The following ATP7B variants were observed in gnomAD, a reference collection of about 807,000 sequenced individuals.
The protein encoded by ATP7B is ATPase copper transporting beta, also known as copper-transporting ATPase 2.
Under a neutral mutation model 118.9 loss-of-function variants are expected in ATP7B, and 113 were observed. That is an observed-to-expected ratio of 0.95 (90% CI 0.82 to 1.11). The LOEUF is 1.11. ATP7B is among the 50% of genes most tolerant of loss of function. The pLI, the probability that ATP7B is intolerant of heterozygous loss-of-function variation, is 0.00. For synonymous variants in ATP7B, 777 were observed against 727.4 expected, an observed-to-expected ratio of 1.07 and a Z score of -1.10; for missense variants, 1,867 against 1,871.4, an observed-to-expected ratio of 1.00 and a Z score of 0.04.
intron 12 of ATP7B, among the ~76,000 whole-genome samples, chr13:51,946,977 T>C (rs1296870864): frequency 6.6e-6 from 1 of 152,220 alleles, no homozygotes; most frequent in Admixed American, 6.5e-5. Flanking sequence ...TATTCTAAGG[T>C]GATAATCATA....
At chr13:51,984,499 T>C (rs113024575) in intron 1 of ATP7B, among the ~76,000 whole-genome samples, 2 of 152,088 alleles carry the variant, frequency 1.3e-5, no homozygotes, top group African/African-American at 4.8e-5. Context: ...CTTCAGGATA[T>C]TATCCAGGAG....
In ATP7B at chr13:52,011,360, C is replaced by A; in HGVS notation, c.-23G>T. 1 of 1,614,196 alleles carries A rather than the reference C, an allele frequency of 6.2e-7. No homozygotes were observed. Among genetic ancestry groups the A allele is most frequent in the Non-Finnish European group, 8.5e-7 (1 of 1,179,996 alleles). ...CATCGTCCCGCACGGACACCGAATT[C>A]TTCTCTGATCTGGCTCAGAGCAAAA... On this transcript the variant is annotated 5_prime_UTR_variant, in exon 1 of 21. Coordinates refer to ENST00000242839, the MANE Select transcript of ATP7B (RefSeq NM_000053.4).
Position 51,946,426 on chromosome 13 carries a change from T to C in ATP7B, c.2918A>G (p.Gln973Arg). The C allele has an allele frequency of 1.2e-6, 2 of 1,614,214 alleles. No homozygotes were observed. Among genetic ancestry groups the C allele is most frequent in the South Asian group, 1.1e-5 (1 of 91,076 alleles). ...AATGCACAGCACCGTGATGGACGTC[T>C]GGAAAGCAAACCGGATGATCACCTC... ...QTEVIIRFAFQTSITVLCIAC... is the reference protein window; with the variant it reads ...QTEVIIRFAFRTSITVLCIAC... Residue 973 changes from glutamine (Q) to arginine (R), a missense_variant, in exon 13 of 21, where the codon CAG (glutamine) becomes CGG (arginine). Transcript: ENST00000242839.
In ATP7B at chr13:51,975,007, T is replaced by A; in HGVS notation, c.213A>T (p.Ser71=). Residue 71 remains serine, a synonymous_variant, in exon 2 of 21, where the codon TCA becomes TCT. Coordinates refer to ENST00000242839, the MANE Select transcript of ATP7B (RefSeq NM_000053.4). The part of the protein sequence containing the change: ...TVRILGMTCQ[S]CVKSIEDRIS... ...TCCTGTCCTCAATGGACTTCACACA[T>A]GACTGGCAAGTCATGCCCAAGATCC... is the stretch of plus-strand genomic sequence containing the variant. 2 of 1,614,092 alleles carry A rather than the reference T, an allele frequency of 1.2e-6. No individual in the cohort carries two copies. The highest frequency in any genetic ancestry group is 1.7e-6 in the Non-Finnish European group (2 of 1,180,000).
intron 1 of ATP7B, chr13:51,975,615 G>T: frequency 2.0e-6 from 1 of 499,502 alleles, no homozygotes; most frequent in Non-Finnish European, 4.0e-6. Context: ...TGGGGGTCCT[G>T]CTGAAATACA....
Position 51,935,653 on chromosome 13 carries a change from C to T in ATP7B, c.4064G>A (p.Gly1355Asp), listed in dbSNP as rs1305262063. The change falls in exon 20 of 21, where the codon GGC (glycine) becomes GAC (aspartate). Residue 1355 changes from glycine to aspartate, a missense_variant. Gly to Asp is a moderately conservative substitution (Grantham distance 94, BLOSUM62 -1). Coordinates refer to ENST00000242839, the MANE Select transcript of ATP7B (RefSeq NM_000053.4). ...PIGIVLQPWM[G>D]SAAMAASSVS... ...AGAGGAGGCTGCCATGGCCGCTGAG[C>T]CCATCCAGGGCTGCAGCACAATGCC... 1.2e-6 allele frequency: 2 copies of T among 1,613,584 alleles called. No homozygotes were observed. Among genetic ancestry groups the T allele is most frequent in the East Asian group, 2.2e-5 (1 of 44,884 alleles).
intron 1 of ATP7B, among the ~76,000 whole-genome samples, chr13:51,992,122 TAAGAAATGTAAAAAAAAAAAAA>T (rs1952946643): frequency 6.8e-6 from 1 of 147,378 alleles, no homozygotes; most frequent in Admixed American, 6.8e-5. Context: ...CTGCATTGTG[TAAGAAATGTAAAAAAAAAAAAA>T]AAGAAATGTA....
chr13:51,974,557 T>G lies in ATP7B; in HGVS notation c.663A>C (p.Pro221=). 6.2e-7 allele frequency: 1 copy of G among 1,614,206 alleles called. No individual in the cohort carries two copies. Among genetic ancestry groups the G allele is most frequent in the Non-Finnish European group, 8.5e-7 (1 of 1,180,040 alleles). Residue 221 remains proline (P), a synonymous_variant, in exon 2 of 21, where the codon CCA becomes CCC. Transcript: ENST00000242839. The part of the protein sequence containing the change: ...KSKVAPLSLG[P]IDIERLQSTN... ...TGCTTTGTAACCGCTCAATATCAAT[T>G]GGTCCCAGGCTTAAGGGAGCCACTT...
intron 1 of ATP7B, among the ~76,000 whole-genome samples, chr13:51,990,294 A>G (rs536731377): frequency 2.0e-5 from 3 of 152,158 alleles, no homozygotes; most frequent in Non-Finnish European, 4.4e-5. Context: ...TTTACCATAT[A>G]GATATACAAT....
At chr13:51,965,797 G>C (rs1438366013) in intron 4 of ATP7B, among the ~76,000 whole-genome samples, 1 of 152,350 alleles carries the variant, frequency 6.6e-6, no homozygotes, top group African/African-American at 2.4e-5. Context: ...CTAAAGTGTT[G>C]CTAAGCTAGC....
Position 51,974,855 on chromosome 13 carries a change from T to C in ATP7B, c.365A>G (p.Glu122Gly), listed in dbSNP as rs1452064392. ...VCHQIGDMGF[E>G]ASIAEGKAAS... ...TGCCTTTCCTTCTGCAATGCTGGCC[T>C]CGAAGCCCATGTCCCCAATTTGATG... Residue 122 changes from glutamate to glycine, a missense_variant, in exon 2 of 21, where the codon GAG becomes GGG. By Grantham distance (98) the Glu-to-Gly change is moderately conservative. Coordinates refer to ENST00000242839, the MANE Select transcript of ATP7B (RefSeq NM_000053.4). The C allele has an allele frequency of 2.5e-6, 4 of 1,614,202 alleles. No homozygotes were observed. In the South Asian group the frequency reaches 4.4e-5, roughly 18 times the overall value.
At chr13:51,939,401 C>T (rs1201191719) in intron 16 of ATP7B, among the ~76,000 whole-genome samples, 3 of 152,216 alleles carry the variant, frequency 2.0e-5, no homozygotes, top group African/African-American at 4.8e-5. Flanking sequence ...TTGAAATCTT[C>T]GCAGTGGCTC....
intron 9 of ATP7B, among the ~76,000 whole-genome samples, chr13:51,956,584 G>GAGGCTAGCTGTGT (rs1958363731): frequency 6.6e-6 from 1 of 152,208 alleles, no homozygotes; most frequent in Non-Finnish European, 1.5e-5. Context: ...TGCCACGGAG[G>GAGGCTAGCTGTGT]AGGCTAGCTG....
intron 1 of ATP7B, among the ~76,000 whole-genome samples, chr13:51,996,882 T>C (rs564257702): frequency 1.3e-5 from 2 of 152,334 alleles, no homozygotes; most frequent in South Asian, 2.1e-4. Flanking sequence ...TTGTTTCTTA[T>C]CTCCTAAGTG....
rs773527867 is a variant in ATP7B at position 51,949,740 on chromosome 13, G to C, written c.2787C>G (p.Ile929Met). The C allele has an allele frequency of 1.9e-6, 3 of 1,614,014 alleles. No homozygotes were observed. Among genetic ancestry groups the C allele is most frequent in the Non-Finnish European group, 2.5e-6 (3 of 1,180,020 alleles). Residue 929 changes from isoleucine to methionine, a missense_variant, in exon 12 of 21, where the codon ATC becomes ATG. Transcript: ENST00000242839. ...CCACCAACGTCAAAGTTGACATGAT[G>C]ATGATAAATGGGACAAAATATCCAC... ...RFSGYFVPFI[I>M]IMSTLTLVVW...
In ATP7B at chr13:51,933,208, A is replaced by G. The variant is rs1276592758; in HGVS notation, c.*1548T>C. On this transcript the variant is annotated 3_prime_UTR_variant, in exon 21 of 21. Coordinates refer to ENST00000242839, the MANE Select transcript of ATP7B (RefSeq NM_000053.4). ...ATTCTTATCAGGAAAACTTCTATTC[A>G]AGGTAGAAGGACAATAAGAGTGAAG... 6.6e-6 allele frequency: 1 copy of G among 152,234 alleles called. No individual in the cohort carries two copies. The allele number at this position is 152,234 out of a possible 1,614,324, so 9.4% of individuals were successfully genotyped here.
intron 12 of ATP7B, among the ~76,000 whole-genome samples, chr13:51,947,160 T>A (rs1957718242): frequency 1.3e-5 from 2 of 152,310 alleles, no homozygotes; most frequent in East Asian, 3.9e-4. Flanking sequence ...TATGGAAAGG[T>A]ACCAGCAGCA....
chr13:51,966,310 G>GAA (rs1951544175), intron 4 of ATP7B, among the ~76,000 whole-genome samples: 2 of 152,310 alleles, frequency 1.3e-5, no homozygotes, highest in South Asian at 4.1e-4. Flanking sequence ...GTCCCCAGAT[G>GAA]GGCTGGCTCC....
At chr13:51,985,308 A>G (rs1952603730) in intron 1 of ATP7B, among the ~76,000 whole-genome samples, 1 of 152,234 alleles carries the variant, frequency 6.6e-6, no homozygotes, top group African/African-American at 2.4e-5. Context: ...AAAAGATCAA[A>G]AGAGACAAAG....
Sources: allele counts gnomAD v4.1 joint callset (sites outside exome capture counted in the v4.1 genomes callset), GRCh38; gene constraint gnomAD v4.1.1; transcripts MANE v1.5; gene names NCBI Gene and HGNC (gene_info 2026-07-23, HGNC 2026-07-21).